Variants in KLHL2 observed in about 807,000 individuals in gnomAD.
The protein encoded by KLHL2 is kelch like family member 2, also known as kelch-like protein 2.
KLHL2 carries 15 observed loss-of-function variants against 75.8 expected under a neutral mutation model. That is an observed-to-expected ratio of 0.20 (90% confidence interval 0.13 to 0.30). KLHL2 has a LOEUF of 0.30. KLHL2 is among the 10% of genes least tolerant of loss of function. The pLI is 1.00. For missense variants in KLHL2, 381 were observed against 741.0 expected (o/e 0.51, Z 5.64); for synonymous variants, 214 against 251.9 (o/e 0.85, Z 1.42).
chr4:165,304,750 T>A (rs1745597936), intron 8 of KLHL2, among the ~76,000 whole-genome samples: 1 of 152,206 alleles, frequency 6.6e-6, no homozygotes. Context: ...TCTATACTAA[T>A]CACATAATTT....
chr4:165,300,773 G>A (rs1745293352), intron 8 of KLHL2, among the ~76,000 whole-genome samples: 1 of 152,006 alleles, frequency 6.6e-6, no homozygotes, highest in South Asian at 2.1e-4. Flanking sequence ...TATGTTTCGG[G>A]CAATGCTGGA....
chr4:165,291,845 A>G lies in KLHL2; in HGVS notation c.545-2514A>G, dbSNP rs577471338. Among the ~76,000 whole-genome samples the G allele has an allele frequency of 2.0e-4, 31 of 151,466 alleles. No individual in the cohort carries two copies. The South Asian group carries it at 6.2e-3, about 30-fold the overall frequency. ...TACTTTATTTTTAATTTTTTTTTTT[A>G]AAGAGACAAGCCGTTACCCAGTTGC... On this transcript the variant is annotated intron_variant, in intron 5 of 14. Coordinates refer to ENST00000226725, the MANE Select transcript of KLHL2 (RefSeq NM_007246.4).
chr4:165,258,706 T>C (rs570708604), intron 4 of KLHL2, among the ~76,000 whole-genome samples: 1 of 152,246 alleles, frequency 6.6e-6, no homozygotes, highest in Non-Finnish European at 1.5e-5. Context: ...GCTAGGTGTT[T>C]CTCACATTTG....
intron 1 of KLHL2, among the ~76,000 whole-genome samples, chr4:165,213,488 T>C (rs1435483790): frequency 6.6e-6 from 1 of 152,246 alleles, no homozygotes; most frequent in Non-Finnish European, 1.5e-5. Context: ...TACAACAACT[T>C]GAAGTTCCTC....
chr4:165,270,997 T>C (rs1742646339), intron 5 of KLHL2, among the ~76,000 whole-genome samples: 1 of 152,220 alleles, frequency 6.6e-6, no homozygotes, highest in Admixed American at 6.5e-5. Context: ...TCTGTTCCAT[T>C]GGTCTACATA....
chr4:165,223,432 A>C (rs568439626), intron 2 of KLHL2, among the ~76,000 whole-genome samples: 3 of 152,350 alleles, frequency 2.0e-5, no homozygotes, highest in South Asian at 4.1e-4. Context: ...ATGGGAGTGC[A>C]GCAGGATTCA....
At chr4:165,262,605 G>T (rs1741782449) in intron 4 of KLHL2, among the ~76,000 whole-genome samples, 5 of 151,988 alleles carry the variant, frequency 3.3e-5, no homozygotes, top group Admixed American at 3.3e-4. Flanking sequence ...TTGAGATGGG[G>T]TCTCACTCTG....
intron 8 of KLHL2, among the ~76,000 whole-genome samples, chr4:165,302,491 C>T (rs775777757): frequency 2.0e-5 from 3 of 152,090 alleles, no homozygotes; most frequent in Non-Finnish European, 2.9e-5. Context: ...TTTTATATTA[C>T]ACTCTGATTT....
chr4:165,250,793 G>A (rs1740639124), intron 4 of KLHL2, among the ~76,000 whole-genome samples: 1 of 152,030 alleles, frequency 6.6e-6, no homozygotes, highest in African/African-American at 2.4e-5. Context: ...GTAGAAAATA[G>A]CTCCTATGAC....
intron 5 of KLHL2, among the ~76,000 whole-genome samples, chr4:165,275,112 ATTT>A (rs1742980615): frequency 6.6e-6 from 1 of 151,130 alleles, no homozygotes; most frequent in South Asian, 2.1e-4. Context: ...ATTTTATTTT[ATTT>A]TATTTTATTT....
At chr4:165,273,809 T>G (rs1267553741) in intron 5 of KLHL2, among the ~76,000 whole-genome samples, 1 of 152,230 alleles carries the variant, frequency 6.6e-6, no homozygotes, top group African/African-American at 2.4e-5. Context: ...TTGTTCCTCA[T>G]AGTGAAACTA....
chr4:165,240,764 T>C (rs562014945), intron 4 of KLHL2, among the ~76,000 whole-genome samples: 2 of 152,336 alleles, frequency 1.3e-5, no homozygotes, highest in Admixed American at 6.5e-5. Context: ...AACAAATGAA[T>C]TACTGATTTC....
intron 1 of KLHL2, chr4:165,210,130 C>G: frequency 6.4e-7 from 1 of 1,551,678 alleles, no homozygotes; most frequent in Non-Finnish European, 8.7e-7. Context: ...ATGACCTGGA[C>G]TTAAAGTGCC....
intron 4 of KLHL2, among the ~76,000 whole-genome samples, chr4:165,246,474 A>T (rs1480278112): frequency 1.3e-5 from 2 of 151,992 alleles, no homozygotes; most frequent in African/African-American, 4.8e-5. Flanking sequence ...GGCCCTTTAG[A>T]TACCTGTTGG....
At chr4:165,279,967 C>A (rs901867438) in intron 5 of KLHL2, among the ~76,000 whole-genome samples, 9 of 152,208 alleles carry the variant, frequency 5.9e-5, no homozygotes, top group African/African-American at 1.9e-4. Flanking sequence ...ATCATCTTCC[C>A]CCCACAAACC....
intron 5 of KLHL2, among the ~76,000 whole-genome samples, chr4:165,269,009 G>A (rs1195674769): frequency 2.6e-5 from 4 of 151,936 alleles, no homozygotes; most frequent in African/African-American, 7.3e-5. Flanking sequence ...TCTGTATTGG[G>A]TACATATTAG....
chr4:165,311,114 C>T (rs372099255), intron 10 of KLHL2, among the ~76,000 whole-genome samples: 4 of 152,110 alleles, frequency 2.6e-5, no homozygotes, highest in African/African-American at 9.6e-5. Flanking sequence ...ACCTCGGCCT[C>T]CCAAAGTGCT....
intron 4 of KLHL2, among the ~76,000 whole-genome samples, chr4:165,251,155 T>C (rs1016582089): frequency 6.6e-6 from 1 of 151,782 alleles, no homozygotes; most frequent in Non-Finnish European, 1.5e-5. Flanking sequence ...CATAAATTCC[T>C]GTATCAAACC....
chr4:165,277,833 G>A (rs1743262335), intron 5 of KLHL2: 1 of 706,736 alleles, frequency 1.4e-6, no homozygotes, highest in Non-Finnish European at 2.6e-6. Context: ...TTTATTTTAA[G>A]CCACAGGTCT....
Sources: allele counts gnomAD v4.1 joint callset (sites outside exome capture counted in the v4.1 genomes callset), GRCh38; gene constraint gnomAD v4.1.1; transcripts MANE v1.5; gene names NCBI Gene and HGNC (gene_info 2026-07-23, HGNC 2026-07-21).